Variants in SORCS1 observed in about 807,000 individuals in gnomAD.
SORCS1 encodes the protein VPS10 domain-containing receptor SorCS1.
A neutral mutation model predicts 146.1 loss-of-function variants in SORCS1; 60 were observed. The ratio of observed to expected loss-of-function variants is 0.41; its 90% CI spans 0.33 to 0.51. The LOEUF is 0.51. Ranked by LOEUF, SORCS1 falls within the 20% of genes least tolerant of loss-of-function variation. The pLI, the probability that SORCS1 is intolerant of heterozygous loss-of-function variation, is 0.21. For missense variants in SORCS1, 1,352 were observed against 1,487.6 expected (o/e 0.91, Z 1.50); for synonymous variants, 637 against 584.0 (o/e 1.09, Z -1.31).
At chr10:107,065,356 T>C (rs1475643484) in intron 1 of SORCS1, among the ~76,000 whole-genome samples, 2 of 151,656 alleles carry the variant, frequency 1.3e-5, no homozygotes, top group African/African-American at 4.9e-5. Context: ...AGAGCCACGG[T>C]TAACACTGAG....
intron 1 of SORCS1, among the ~76,000 whole-genome samples, chr10:107,073,160 CAT>C (rs1565002790): frequency 2.0e-5 from 3 of 152,096 alleles, no homozygotes; most frequent in African/African-American, 7.2e-5. Context: ...CTACTTTAAA[CAT>C]AGAAAAAGAT....
chr10:107,161,759 C>G (rs1382243204), intron 1 of SORCS1, among the ~76,000 whole-genome samples: 4 of 152,082 alleles, frequency 2.6e-5, no homozygotes, highest in Non-Finnish European at 4.4e-5. Context: ...TGAGTCTGGT[C>G]CAGATACGTA....
chr10:107,099,333 A>C (rs768064325), intron 1 of SORCS1, among the ~76,000 whole-genome samples: 9 of 152,158 alleles, frequency 5.9e-5, no homozygotes, highest in Non-Finnish European at 2.9e-5. Flanking sequence ...ACCACTAGAA[A>C]ATACAAGAAG....
chr10:106,670,132 C>T (rs1287304212), intron 16 of SORCS1, among the ~76,000 whole-genome samples: 2 of 152,076 alleles, frequency 1.3e-5, no homozygotes, highest in Admixed American at 6.6e-5. Flanking sequence ...TAAACGAATA[C>T]ATGAAAACCA....
intron 2 of SORCS1, among the ~76,000 whole-genome samples, chr10:106,854,933 G>A (rs746420063): frequency 2.4e-4 from 36 of 152,264 alleles, no homozygotes; most frequent in Non-Finnish European, 3.1e-4. Context: ...AAAGGTTTTT[G>A]TGGTACATTC....
chr10:106,930,497 G>T (rs1434863824), intron 2 of SORCS1, among the ~76,000 whole-genome samples: 1 of 152,134 alleles, frequency 6.6e-6, no homozygotes, highest in Non-Finnish European at 1.5e-5. Context: ...TTGCTACTGG[G>T]ATACACGGAA....
At chr10:106,803,841 C>T (rs1166153333) in intron 3 of SORCS1, among the ~76,000 whole-genome samples, 2 of 152,170 alleles carry the variant, frequency 1.3e-5, no homozygotes, top group Admixed American at 6.5e-5. Flanking sequence ...CAGAGAATTT[C>T]TGGGAACCAT....
chr10:106,927,359 T>C (rs1256426723), intron 2 of SORCS1, among the ~76,000 whole-genome samples: 1 of 151,264 alleles, frequency 6.6e-6, no homozygotes, highest in Non-Finnish European at 1.5e-5. Flanking sequence ...GCGTCTGGAG[T>C]TGTTCCTTCC....
At chr10:106,994,305 T>C (rs1178398634) in intron 1 of SORCS1, among the ~76,000 whole-genome samples, 1 of 152,146 alleles carries the variant, frequency 6.6e-6, no homozygotes, top group African/African-American at 2.4e-5. Context: ...CTGTCTGGAA[T>C]ATGCTGAATG....
chr10:106,977,089 T>C (rs1368586357), intron 1 of SORCS1, among the ~76,000 whole-genome samples: 1 of 152,210 alleles, frequency 6.6e-6, no homozygotes, highest in Admixed American at 6.5e-5. Context: ...TATTTCTGGT[T>C]TCTAGATCCC....
At chr10:106,889,036 T>TA (rs1232603994) in intron 2 of SORCS1, among the ~76,000 whole-genome samples, 1 of 151,948 alleles carries the variant, frequency 6.6e-6, no homozygotes, top group Non-Finnish European at 1.5e-5. Flanking sequence ...CAATAGGAGG[T>TA]AAAATTTTTT....
intron 6 of SORCS1, among the ~76,000 whole-genome samples, chr10:106,716,562 A>G (rs1041788917): frequency 3.3e-4 from 50 of 152,282 alleles, no homozygotes; most frequent in African/African-American, 1.2e-3. Flanking sequence ...GGCTTCTGCT[A>G]TTTCTAAACA....
At chr10:106,669,821 G>T (rs1000739320) in intron 16 of SORCS1, among the ~76,000 whole-genome samples, 11 of 152,154 alleles carry the variant, frequency 7.2e-5, no homozygotes, top group African/African-American at 2.2e-4. Flanking sequence ...ACAGCTGTGG[G>T]TTACTGGTCT....
At chr10:107,123,910 T>C (rs1966544569) in intron 1 of SORCS1, among the ~76,000 whole-genome samples, 2 of 142,052 alleles carry the variant, frequency 1.4e-5, no homozygotes, top group Admixed American at 6.9e-5. Context: ...ACCCCGTCTC[T>C]ACTAAAAATA....
chr10:106,688,091 A>G, intron 10 of SORCS1, 101 bp downstream of exon 10: 1 of 1,494,270 alleles, frequency 6.7e-7, no homozygotes, highest in Non-Finnish European at 9.0e-7. Flanking sequence ...CCTTTTGTTC[A>G]TCAACTGAGC....
chr10:107,163,459 T>G (rs1459193215), intron 1 of SORCS1, among the ~76,000 whole-genome samples: 1 of 152,194 alleles, frequency 6.6e-6, no homozygotes, highest in Non-Finnish European at 1.5e-5. Flanking sequence ...TACTCTCCAC[T>G]GCAGTTCTCC....
intron 3 of SORCS1, among the ~76,000 whole-genome samples, chr10:106,794,745 C>T (rs371603712): frequency 3.3e-5 from 5 of 152,164 alleles, no homozygotes; most frequent in Middle Eastern, 3.4e-3. Flanking sequence ...CCTCATGATC[C>T]GCCCACCTCG....
chr10:106,916,034 A>G (rs1952409554), intron 2 of SORCS1, among the ~76,000 whole-genome samples: 1 of 152,196 alleles, frequency 6.6e-6, no homozygotes, highest in Non-Finnish European at 1.5e-5. Context: ...CACCTGGTCA[A>G]TGTCTACACA....
At chr10:107,101,769 G>GTC (rs1565044229) in intron 1 of SORCS1, among the ~76,000 whole-genome samples, 1 of 151,964 alleles carries the variant, frequency 6.6e-6, no homozygotes, top group South Asian at 2.1e-4. Flanking sequence ...GTGTGTGTGT[G>GTC]TGTGTGTGTG....
Sources: allele counts gnomAD v4.1 joint callset (sites outside exome capture counted in the v4.1 genomes callset), GRCh38; gene constraint gnomAD v4.1.1; transcripts MANE v1.5; gene names NCBI Gene and HGNC (gene_info 2026-07-23, HGNC 2026-07-21).